Variants in TMEM165 observed in about 807,000 individuals in gnomAD.
TMEM165 encodes transmembrane protein 165, also known as putative divalent cation/proton antiporter TMEM165.
A neutral mutation model predicts 30.0 loss-of-function variants in TMEM165; 19 were observed. The observed-to-expected ratio is 0.63, with a 90% CI of 0.44 to 0.93. TMEM165 has a LOEUF of 0.93. Ranked by LOEUF, TMEM165 falls within the 40% of genes least tolerant of loss-of-function variation. TMEM165 has a pLI of 0.00. For missense variants in TMEM165, 340 were observed against 417.0 expected, an observed-to-expected ratio of 0.82 and a Z score of 1.61; for synonymous variants, 168 against 162.9, an observed-to-expected ratio of 1.03 and a Z score of -0.24.
chr4:55,420,890 G>A (rs1290103349), intron 4 of TMEM165, among the ~76,000 whole-genome samples: 5 of 152,212 alleles, frequency 3.3e-5, no homozygotes, highest in Middle Eastern at 3.4e-3. Flanking sequence ...TATCCCTGTC[G>A]TTTTGTTTTT....
intron 1 of TMEM165, among the ~76,000 whole-genome samples, chr4:55,400,267 T>TACATA: frequency 9.8e-6 from 1 of 102,028 alleles, no homozygotes; most frequent in Non-Finnish European, 1.8e-5. Flanking sequence ...TAATATATAA[T>TACATA]ATATAATATA....
intron 1 of TMEM165, among the ~76,000 whole-genome samples, chr4:55,404,543 A>C (rs1451892230): frequency 2.0e-5 from 3 of 151,844 alleles, no homozygotes; most frequent in African/African-American, 7.3e-5. Context: ...CTCCCACCTC[A>C]GCCTCCCAAG....
In TMEM165 at chr4:55,435,543, C is replaced by T. The variant is rs1247105654; in HGVS notation, c.408+10900C>T. On this transcript the variant is annotated intron_variant, in intron 3 of 3. Transcript: ENST00000608091. ...AAGGTGCTCTGTTGTAGAGGAAATGCAGCAGAGAGAATGAGTTGAGTTGAG... is the reference window on the plus strand; with the variant it reads ...AAGGTGCTCTGTTGTAGAGGAAATGTAGCAGAGAGAATGAGTTGAGTTGAG... 5.0e-6 allele frequency: 8 copies of T among 1,613,984 alleles called. No homozygotes were observed. The East Asian group carries it at 1.8e-4, about 36-fold the overall frequency.
intron 2 of TMEM165, among the ~76,000 whole-genome samples, chr4:55,413,022 C>T (rs1721579093): frequency 6.6e-6 from 1 of 151,846 alleles, no homozygotes; most frequent in African/African-American, 2.4e-5. Flanking sequence ...CTCTATCACT[C>T]AGGCTGGAGT....
intron 1 of TMEM165, chr4:55,403,178 A>T: frequency 9.5e-7 from 1 of 1,058,068 alleles, no homozygotes; most frequent in South Asian, 1.3e-5. Context: ...TTGTCTTCAG[A>T]TAATCTCACC....
downstream of TMEM165, chr4:55,426,292 G>A (rs562938696): frequency 6.6e-6 from 1 of 152,204 alleles, no homozygotes; most frequent in Non-Finnish European, 1.5e-5. Context: ...AGCTAAACAG[G>A]AGCCAGGCAT....
chr4:55,445,973 A>G (rs551071075), intron 3 of TMEM165, among the ~76,000 whole-genome samples: 3 of 151,956 alleles, frequency 2.0e-5, no homozygotes, highest in African/African-American at 7.2e-5. Context: ...TTTTTATATT[A>G]TTCCTGTTCA....
intron 1 of TMEM165, among the ~76,000 whole-genome samples, chr4:55,406,116 A>G (rs759971189): frequency 2.2e-4 from 34 of 152,170 alleles, no homozygotes; most frequent in Non-Finnish European, 3.8e-4. Flanking sequence ...CAGCTTCCAT[A>G]TTGGTAGCCC....
intron 3 of TMEM165, chr4:55,443,658 C>G (rs368467231): frequency 6.4e-7 from 1 of 1,566,096 alleles, no homozygotes; most frequent in Non-Finnish European, 8.8e-7. Flanking sequence ...ACTGATCACT[C>G]CATAGCCCGC....
At chr4:55,397,775 C>G (rs952882131) in intron 1 of TMEM165, among the ~76,000 whole-genome samples, 5 of 151,504 alleles carry the variant, frequency 3.3e-5, no homozygotes, top group African/African-American at 9.7e-5. Context: ...GAGACAGGGT[C>G]TCGCTCTGTC....
chr4:55,441,485 G>C (rs1723364587), intron 3 of TMEM165, among the ~76,000 whole-genome samples: 1 of 152,104 alleles, frequency 6.6e-6, no homozygotes, highest in African/African-American at 2.4e-5. Context: ...CAACCTAAGT[G>C]CCCATCAACC....
At chr4:55,398,692 C>T (rs527940690) in intron 1 of TMEM165, among the ~76,000 whole-genome samples, 5 of 152,208 alleles carry the variant, frequency 3.3e-5, no homozygotes, top group African/African-American at 1.2e-4. Context: ...CCCCTACTAG[C>T]TTTTAGGTGT....
intron 2 of TMEM165, among the ~76,000 whole-genome samples, chr4:55,416,701 C>G (rs1409014820): frequency 6.6e-6 from 1 of 152,144 alleles, no homozygotes; most frequent in African/African-American, 2.4e-5. Flanking sequence ...AAAATCTCAG[C>G]TCTTGAGAGG....
At chr4:55,404,481 A>G (rs953345177) in intron 1 of TMEM165, among the ~76,000 whole-genome samples, 2 of 152,038 alleles carry the variant, frequency 1.3e-5, no homozygotes, top group African/African-American at 2.4e-5. Context: ...GCTGGAGTTC[A>G]GTGGCACAAT....
chr4:55,447,800 A>T (rs1248571239), intron 3 of TMEM165, among the ~76,000 whole-genome samples: 1 of 152,262 alleles, frequency 6.6e-6, no homozygotes, highest in Non-Finnish European at 1.5e-5. Context: ...ACCTATTATT[A>T]ATGATCATTC....
intron 4 of TMEM165, among the ~76,000 whole-genome samples, chr4:55,418,322 A>G (rs1721823590): frequency 6.6e-6 from 1 of 152,124 alleles, no homozygotes; most frequent in South Asian, 2.1e-4. Flanking sequence ...TCAGTATAAT[A>G]TTATTGAAGG....
At chr4:55,411,134 C>CAAA (rs575523700) in intron 1 of TMEM165, among the ~76,000 whole-genome samples, 2 of 65,856 alleles carry the variant, frequency 3.0e-5, no homozygotes, top group Non-Finnish European at 3.0e-5. Context: ...GATTTTGTCT[C>CAAA]AAAAAAAAAA....
chr4:55,439,576 G>A (rs760172175), intron 3 of TMEM165, among the ~76,000 whole-genome samples: 9 of 152,124 alleles, frequency 5.9e-5, no homozygotes, highest in Non-Finnish European at 8.8e-5. Context: ...ATCATAAGCA[G>A]CATTATTCAC....
intron 1 of TMEM165, among the ~76,000 whole-genome samples, chr4:55,401,622 A>G (rs1219909634): frequency 2.7e-5 from 4 of 150,314 alleles, no homozygotes; most frequent in Admixed American, 1.3e-4. Flanking sequence ...CTTCTACAAA[A>G]CATTTTAAAC....
Sources: gnomAD v4.1 joint callset for allele counts (sites outside exome capture counted in the v4.1 genomes callset) on GRCh38, gnomAD v4.1.1 for gene constraint, MANE v1.5 for transcripts, NCBI Gene and HGNC (gene_info 2026-07-23, HGNC 2026-07-21) for gene names.